The following RANBP2 variants were observed in gnomAD, a reference collection of about 807,000 sequenced individuals.
The protein encoded by RANBP2 is RAN binding protein 2.
Under a neutral mutation model 303.6 loss-of-function variants are expected in RANBP2, and 57 were observed. The ratio of observed to expected loss-of-function variants is 0.19; its 90% CI spans 0.15 to 0.23. The LOEUF (loss-of-function observed/expected upper bound fraction) is 0.23, where lower values mean the gene tolerates loss of function less well. Ranked by LOEUF, RANBP2 falls within the 10% of genes least tolerant of loss-of-function variation. The probability of loss-of-function intolerance (pLI) is 1.00; values close to 1 mark genes in which losing one functional copy is unlikely to be tolerated. For missense variants in RANBP2, 3,138 were observed against 3,780.8 expected (o/e 0.83, Z 4.46); for synonymous variants, 1,167 against 1,301.5 (o/e 0.90, Z 2.23).
chr2:109,558,491 T>A, the RANBP2 span, among the ~76,000 whole-genome samples: 2 of 152,246 alleles, frequency 1.3e-5, no homozygotes, highest in Admixed American at 6.5e-5. Context: ...GTTAGGTTAA[T>A]CTTTAATTAT....
At chr2:109,717,833 G>A in the RANBP2 span, among the ~76,000 whole-genome samples, 1 of 151,750 alleles carries the variant, frequency 6.6e-6, no homozygotes, top group Admixed American at 6.6e-5. Context: ...AGAATCGCTT[G>A]AACCCGGGAG....
chr2:109,581,274 T>C, the RANBP2 span, among the ~76,000 whole-genome samples: 3,938 of 152,056 alleles, frequency 0.026, 64 homozygotes, highest in South Asian at 0.075. Flanking sequence ...ACCCCGTCTC[T>C]ACTTTTGCAA....
At chr2:109,090,971 G>A in the RANBP2 span, among the ~76,000 whole-genome samples, 6 of 151,978 alleles carry the variant, frequency 3.9e-5, no homozygotes, top group African/African-American at 4.8e-5. Flanking sequence ...AAAGCTGATC[G>A]TTTTTATTTA....
the RANBP2 span, among the ~76,000 whole-genome samples, chr2:109,113,803 TG>T: frequency 6.6e-6 from 1 of 152,094 alleles, no homozygotes; most frequent in Non-Finnish European, 1.5e-5. Flanking sequence ...TTTTGAGATA[TG>T]TCCCATCAAT....
At chr2:109,157,067 C>T in the RANBP2 span, among the ~76,000 whole-genome samples, 1 of 152,184 alleles carries the variant, frequency 6.6e-6, no homozygotes, top group African/African-American at 2.4e-5. Flanking sequence ...GAAGGGCTCT[C>T]CTTGGTAAAC....
chr2:109,204,541 G>A, the RANBP2 span, among the ~76,000 whole-genome samples: 5 of 152,116 alleles, frequency 3.3e-5, no homozygotes, highest in African/African-American at 1.2e-4. Flanking sequence ...TGTGTGCAAT[G>A]TACAATGTAC....
chr2:108,729,215 A>C lies in RANBP2; in HGVS notation c.140+16A>C, dbSNP rs753101262. On this transcript the variant is annotated intron_variant, in intron 2 of 28. Coordinates refer to ENST00000283195, the MANE Select transcript of RANBP2 (RefSeq NM_006267.5). ...TTGCTAAAAAGTAAGTACAAACTGT[A>C]ACATGTATTTTTTTTTTAAAATCAA... 1 of 1,563,686 alleles carries C rather than the reference A, an allele frequency of 6.4e-7. No homozygotes were observed. The highest frequency in any genetic ancestry group is 8.6e-7 in the Non-Finnish European group (1 of 1,157,544).
chr2:108,729,330 T>C, intron 2 of RANBP2, 131 bp downstream of exon 2: 4 of 1,100,076 alleles, frequency 3.6e-6, no homozygotes, highest in Non-Finnish European at 5.0e-6. Flanking sequence ...GATTTATCAC[T>C]CAGACTGATG....
At chr2:109,163,620 C>T in the RANBP2 span, among the ~76,000 whole-genome samples, 88 of 151,688 alleles carry the variant, frequency 5.8e-4, no homozygotes, top group African/African-American at 1.8e-3. Context: ...GGGATGGTCT[C>T]GATCTCCTGA....
chr2:109,654,090 A>G, the RANBP2 span, among the ~76,000 whole-genome samples: 1 of 152,160 alleles, frequency 6.6e-6, no homozygotes, highest in African/African-American at 2.4e-5. Context: ...GTGTCCTCAG[A>G]CAGTGTGGGA....
At chr2:109,656,435 T>C in the RANBP2 span, among the ~76,000 whole-genome samples, 3 of 152,212 alleles carry the variant, frequency 2.0e-5, no homozygotes, top group African/African-American at 7.2e-5. Context: ...CCTCCCAGGT[T>C]CAAGCAATTC....
chr2:108,976,134 TTCCAGGATCCCA>T, the RANBP2 span, among the ~76,000 whole-genome samples: 1 of 152,204 alleles, frequency 6.6e-6, no homozygotes, highest in Non-Finnish European at 1.5e-5. Flanking sequence ...TCTTTTTCTG[TTCCAGGATCCCA>T]TCCAGGATCC....
At chr2:109,702,368 G>A in the RANBP2 span, among the ~76,000 whole-genome samples, 1 of 152,232 alleles carries the variant, frequency 6.6e-6, no homozygotes, top group Non-Finnish European at 1.5e-5. Flanking sequence ...CATTGCTTGT[G>A]TCAGGTTGGG....
At chr2:108,753,701 A>G (rs1676084992) in intron 14 of RANBP2, 124 bp from the exon 15 acceptor site, 32 of 1,580,668 alleles carry the variant, frequency 2.0e-5, no homozygotes, top group Non-Finnish European at 2.7e-5. Flanking sequence ...TCCCAGGCTC[A>G]AGCGATTCTT....
chr2:109,223,951 A>G, the RANBP2 span, among the ~76,000 whole-genome samples: 1 of 152,222 alleles, frequency 6.6e-6, no homozygotes, highest in Non-Finnish European at 1.5e-5. Context: ...GCAGTGAGCC[A>G]TGATTGTGCC....
the RANBP2 span, chr2:109,130,097 C>T: frequency 7.4e-7 from 1 of 1,347,154 alleles, no homozygotes; most frequent in East Asian, 3.1e-5. Context: ...ACCAGCAGGA[C>T]CGCGCCGGCG....
the RANBP2 span, among the ~76,000 whole-genome samples, chr2:109,038,682 A>G: frequency 6.6e-6 from 1 of 152,200 alleles, no homozygotes; most frequent in Non-Finnish European, 1.5e-5. Flanking sequence ...ATTCAAGAAC[A>G]TGTACATGTA....
the RANBP2 span, among the ~76,000 whole-genome samples, chr2:109,296,946 G>A: frequency 1.3e-5 from 2 of 152,226 alleles, no homozygotes; most frequent in South Asian, 2.1e-4. Flanking sequence ...ACTAGGCCTG[G>A]GGACCTACCC....
the RANBP2 span, among the ~76,000 whole-genome samples, chr2:108,870,811 G>A: frequency 6.6e-6 from 1 of 152,200 alleles, no homozygotes; most frequent in Non-Finnish European, 1.5e-5. Flanking sequence ...AGGTGTTGGG[G>A]AAGAGGGAAA....
Sources: allele counts gnomAD v4.1 joint callset (sites outside exome capture counted in the v4.1 genomes callset), GRCh38; gene constraint gnomAD v4.1.1; transcripts MANE v1.5; gene names NCBI Gene and HGNC (gene_info 2026-07-23, HGNC 2026-07-21).